The following NR3C2 variants were observed in gnomAD, a reference collection of about 807,000 sequenced individuals.
The protein encoded by NR3C2 is mineralocorticoid receptor.
Under a neutral mutation model 86.4 loss-of-function variants are expected in NR3C2, and 15 were observed. The ratio of observed to expected loss-of-function variants is 0.17; its 90% CI spans 0.12 to 0.27. The LOEUF (loss-of-function observed/expected upper bound fraction) is 0.27, where lower values mean the gene tolerates loss of function less well. Ranked by LOEUF, NR3C2 falls within the 10% of genes least tolerant of loss-of-function variation. NR3C2 has a pLI of 1.00. For synonymous variants in NR3C2, 458 were observed against 450.5 expected, an observed-to-expected ratio of 1.02 and a Z score of -0.21; for missense variants, 960 against 1,195.6, an observed-to-expected ratio of 0.80 and a Z score of 2.91.
intron 6 of NR3C2, among the ~76,000 whole-genome samples, chr4:148,124,341 G>A (rs1419539534): frequency 6.6e-6 from 1 of 152,178 alleles, no homozygotes; most frequent in African/African-American, 2.4e-5. Flanking sequence ...CTGGATGATA[G>A]TTTAAAAAGC....
At chr4:148,093,948 A>G (rs1360890956) in intron 8 of NR3C2, among the ~76,000 whole-genome samples, 1 of 152,258 alleles carries the variant, frequency 6.6e-6, no homozygotes, top group African/African-American at 2.4e-5. Flanking sequence ...ATATCTGAAA[A>G]GAGGTTAATA....
intron 6 of NR3C2, among the ~76,000 whole-genome samples, chr4:148,123,685 C>T (rs1251439743): frequency 1.3e-5 from 2 of 152,214 alleles, no homozygotes; most frequent in South Asian, 2.1e-4. Flanking sequence ...AAAGAACCTA[C>T]ATTGAAATAC....
intron 6 of NR3C2, among the ~76,000 whole-genome samples, chr4:148,130,823 T>TG (rs201153191): frequency 0.23 from 21,410 of 92,988 alleles, 2,302 homozygotes; most frequent in East Asian, 0.58. Flanking sequence ...TGTTTTGTTT[T>TG]TTTTTTTTTT....
intron 2 of NR3C2, among the ~76,000 whole-genome samples, chr4:148,302,052 CTGATTG>C (rs1208141835): frequency 6.6e-6 from 1 of 152,130 alleles, no homozygotes; most frequent in Non-Finnish European, 1.5e-5. Flanking sequence ...TTGTCAATTT[CTGATTG>C]TAACTACCAT....
intron 2 of NR3C2, among the ~76,000 whole-genome samples, chr4:148,347,826 T>C (rs1745072004): frequency 6.6e-6 from 1 of 151,960 alleles, no homozygotes; most frequent in Non-Finnish European, 1.5e-5. Flanking sequence ...TGCACCACTG[T>C]AGCAGCGGTG....
At chr4:148,093,015 A>G (rs1361704191) in intron 8 of NR3C2, among the ~76,000 whole-genome samples, 1 of 152,220 alleles carries the variant, frequency 6.6e-6, no homozygotes. Flanking sequence ...ACAATCAGCA[A>G]TAAGAGTCCC....
chr4:148,361,180 A>G (rs1385187177), intron 2 of NR3C2, among the ~76,000 whole-genome samples: 1 of 152,232 alleles, frequency 6.6e-6, no homozygotes, highest in East Asian at 1.9e-4. Flanking sequence ...TTAAAAATGC[A>G]AAGATTACAC....
At chr4:148,292,555 T>A (rs988939760) in intron 2 of NR3C2, among the ~76,000 whole-genome samples, 2 of 152,106 alleles carry the variant, frequency 1.3e-5, no homozygotes, top group South Asian at 4.1e-4. Context: ...GACTTACATA[T>A]GAAAGAAAAC....
At chr4:148,286,803 C>A (rs978835965) in intron 2 of NR3C2, among the ~76,000 whole-genome samples, 1 of 152,204 alleles carries the variant, frequency 6.6e-6, no homozygotes, top group Non-Finnish European at 1.5e-5. Flanking sequence ...ACTATACCAA[C>A]TGAACACAAT....
chr4:148,278,590 C>G (rs1741079459), intron 2 of NR3C2, among the ~76,000 whole-genome samples: 1 of 152,040 alleles, frequency 6.6e-6, no homozygotes, highest in Non-Finnish European at 1.5e-5. Flanking sequence ...CACACACACC[C>G]ACACCCACAC....
At chr4:148,198,719 G>GA (rs890667296) in intron 3 of NR3C2, among the ~76,000 whole-genome samples, 1 of 150,618 alleles carries the variant, frequency 6.6e-6, no homozygotes, top group Non-Finnish European at 1.5e-5. Context: ...AAAAAAAAAA[G>GA]AAAAAACTAA....
At chr4:148,271,575 T>A (rs1422563120) in intron 2 of NR3C2, among the ~76,000 whole-genome samples, 1 of 152,158 alleles carries the variant, frequency 6.6e-6, no homozygotes, top group Non-Finnish European at 1.5e-5. Context: ...CTTTTCTAGA[T>A]GTCTTGCACG....
chr4:148,421,620 C>T (rs1476843815), intron 2 of NR3C2, among the ~76,000 whole-genome samples: 1 of 152,184 alleles, frequency 6.6e-6, no homozygotes, highest in Non-Finnish European at 1.5e-5. Flanking sequence ...TGACAATGTA[C>T]TGACTCTGAC....
chr4:148,240,229 AT>A (rs1307903222), intron 3 of NR3C2, among the ~76,000 whole-genome samples: 1 of 141,986 alleles, frequency 7.0e-6, no homozygotes, highest in Non-Finnish European at 1.6e-5. Flanking sequence ...GATATTTTAT[AT>A]ATTTATAAAT....
At chr4:148,131,199 T>C (rs935970416) in intron 6 of NR3C2, among the ~76,000 whole-genome samples, 7 of 152,176 alleles carry the variant, frequency 4.6e-5, no homozygotes, top group African/African-American at 1.2e-4. Context: ...GTGTGTTACA[T>C]TGTCAGAATG....
chr4:148,263,282 T>C (rs1188539453), intron 2 of NR3C2, among the ~76,000 whole-genome samples: 1 of 152,220 alleles, frequency 6.6e-6, no homozygotes. Flanking sequence ...TTCTCCAGAT[T>C]TTGATGTTGT....
intron 2 of NR3C2, among the ~76,000 whole-genome samples, chr4:148,355,653 C>T (rs1447016623): frequency 6.6e-6 from 1 of 152,182 alleles, no homozygotes; most frequent in East Asian, 1.9e-4. Context: ...AAGGGCAGGG[C>T]CATCCCGTCA....
At chr4:148,290,377 C>A (rs1741741054) in intron 2 of NR3C2, among the ~76,000 whole-genome samples, 1 of 152,110 alleles carries the variant, frequency 6.6e-6, no homozygotes, top group Admixed American at 6.5e-5. Context: ...AAGAGAGAAG[C>A]ATAAATTCAC....
intron 3 of NR3C2, among the ~76,000 whole-genome samples, chr4:148,253,741 T>C (rs1739688343): frequency 6.6e-6 from 1 of 152,192 alleles, no homozygotes; most frequent in Non-Finnish European, 1.5e-5. Context: ...TTTTCCCCCA[T>C]AGCCAATCAC....
Sources: allele counts gnomAD v4.1 joint callset (sites outside exome capture counted in the v4.1 genomes callset), GRCh38; gene constraint gnomAD v4.1.1; transcripts MANE v1.5; gene names NCBI Gene and HGNC (gene_info 2026-07-23, HGNC 2026-07-21).